The following TBXA2R variants were observed in gnomAD, a reference collection of about 807,000 sequenced individuals.
TBXA2R encodes the protein prostanoid TP receptor.
A neutral mutation model predicts 15.6 loss-of-function variants in TBXA2R; 15 were observed. The observed-to-expected ratio is 0.96, with a 90% CI of 0.64 to 1.48. The LOEUF is 1.48. Ranked by LOEUF, TBXA2R falls within the 40% of genes most tolerant of loss-of-function variation. TBXA2R has a pLI of 0.00. For missense variants in TBXA2R, 506 were observed against 491.4 expected (o/e 1.03, Z -0.28); for synonymous variants, 280 against 241.2 (o/e 1.16, Z -1.49).
chr19:3,598,989 T>C (rs1204668192), intron 2 of TBXA2R, among the ~76,000 whole-genome samples: 1 of 152,034 alleles, frequency 6.6e-6, no homozygotes, highest in Non-Finnish European at 1.5e-5. Context: ...TTACTAAGAA[T>C]TTCTTTCCAT....
intron 1 of TBXA2R, among the ~76,000 whole-genome samples, chr19:3,601,725 G>C (rs1329948204): frequency 6.6e-6 from 1 of 151,912 alleles, no homozygotes; most frequent in Non-Finnish European, 1.5e-5. Flanking sequence ...TCAGGAGTTC[G>C]AAACCAGCCT....
chr19:3,603,883 C>A (rs1482523775), intron 1 of TBXA2R, among the ~76,000 whole-genome samples: 1 of 152,296 alleles, frequency 6.6e-6, no homozygotes, highest in Middle Eastern at 3.4e-3. Context: ...CCTCCCTTCC[C>A]TCCTGCATTG....
chr19:3,605,848 AAC>A (rs199571395), intron 1 of TBXA2R, among the ~76,000 whole-genome samples: 465 of 29,520 alleles, frequency 0.016, 1 homozygote, highest in Non-Finnish European at 0.022. Flanking sequence ...CACAAGCAGA[AAC>A]ACAACAGACA....
intron 2 of TBXA2R, among the ~76,000 whole-genome samples, chr19:3,599,555 C>G (rs1243264672): frequency 6.6e-6 from 1 of 152,186 alleles, no homozygotes; most frequent in African/African-American, 2.4e-5. Context: ...TGGTCTCGAT[C>G]TCCTGACCTC....
intron 1 of TBXA2R, among the ~76,000 whole-genome samples, chr19:3,605,531 C>T (rs1366212997): frequency 2.0e-5 from 3 of 149,026 alleles, no homozygotes; most frequent in East Asian, 2.0e-4. Flanking sequence ...GACAGAAACA[C>T]AGCAGACAGA....
At chr19:3,596,474 T>C (rs2032606727) in intron 2 of TBXA2R, among the ~76,000 whole-genome samples, 1 of 151,866 alleles carries the variant, frequency 6.6e-6, no homozygotes. Flanking sequence ...GGGAGGTAAA[T>C]AGGAGAGAAT....
chr19:3,605,131 C>T (rs2032805609), intron 1 of TBXA2R, among the ~76,000 whole-genome samples: 1 of 152,242 alleles, frequency 6.6e-6, no homozygotes, highest in East Asian at 1.9e-4. Flanking sequence ...TTGTTGGGGC[C>T]CTAAGTCACA....
rs541640792 is a variant in TBXA2R at position 3,605,627 on chromosome 19, A to G, written c.-84+903T>C. On this transcript the variant is annotated intron_variant, in intron 1 of 2. Coordinates refer to ENST00000375190, the MANE Select transcript of TBXA2R (RefSeq NM_001060.6). ...AGACACACACAGAAACACCACAGAC[A>G]CACCCAGACAGAAACATGACAGACA... 3.9e-5 allele frequency among the ~76,000 whole-genome samples: 6 copies of G among 152,114 alleles called. No homozygotes were observed. The East Asian group carries it at 1.2e-3, about 29-fold the overall frequency.
At chr19:3,603,409 C>A (rs751783025) in intron 1 of TBXA2R, among the ~76,000 whole-genome samples, 2 of 152,194 alleles carry the variant, frequency 1.3e-5, no homozygotes, top group Non-Finnish European at 2.9e-5. Context: ...TGGGGGGTTC[C>A]TCGCGGCCTC....
At chr19:3,604,359 G>A (rs906661640) in intron 1 of TBXA2R, among the ~76,000 whole-genome samples, 2 of 152,174 alleles carry the variant, frequency 1.3e-5, no homozygotes, top group East Asian at 1.9e-4. Flanking sequence ...CCAGAGGCCC[G>A]GGCGCTGGGC....
intron 2 of TBXA2R, among the ~76,000 whole-genome samples, chr19:3,598,367 T>C (rs1483045106): frequency 6.8e-6 from 1 of 146,286 alleles, no homozygotes; most frequent in Non-Finnish European, 1.5e-5. Context: ...TTTTTTTTTT[T>C]TGAGACAGAG....
rs34486470 is a variant in TBXA2R at position 3,595,008 on chromosome 19, A to G, written c.*680T>C. The G allele has an allele frequency of 0.1, 142,870 of 1,420,466 alleles. 7,354 individuals carry two copies. The highest frequency in any genetic ancestry group is 0.14 in the Middle Eastern group (675 of 4,774). The allele number at this position is 1,420,466 out of a possible 1,614,324, so 88.0% of individuals were successfully genotyped here. A position where few individuals can be genotyped will look rare whatever the true frequency, so the allele number is the denominator to read the frequency against. On this transcript the variant is annotated 3_prime_UTR_variant, in exon 3 of 3. Transcript: ENST00000375190. ...GGCACGAGAATCGCTTGAACCCGGG[A>G]GGCGGAGGTTGCAGTGAGCCGAGAT...
chr19:3,597,375 T>C (rs983982939), intron 2 of TBXA2R, among the ~76,000 whole-genome samples: 1 of 151,058 alleles, frequency 6.6e-6, no homozygotes, highest in Non-Finnish European at 1.5e-5. Flanking sequence ...ATATATCATA[T>C]ATCATACAAT....
rs1293069857 is a variant in TBXA2R, at chr19:3,602,772, A to G, written c.-83-2055T>C. Among the ~76,000 whole-genome samples the G allele has an allele frequency of 2.0e-5, 3 of 151,924 alleles. No homozygotes were observed. The East Asian group carries it at 5.8e-4, about 29-fold the overall frequency. On this transcript the variant is annotated intron_variant, in intron 1 of 2. Coordinates refer to ENST00000375190, the MANE Select transcript of TBXA2R (RefSeq NM_001060.6). ...CAAAACTCCGTCTCAAAAAAAAAAAAAAAAGAAAAAGAAAAGAAAAGAGGG... is the reference window on the plus strand; with the variant it reads ...CAAAACTCCGTCTCAAAAAAAAAAAGAAAAGAAAAAGAAAAGAAAAGAGGG...
chr19:3,600,139 G>T lies in TBXA2R; in HGVS notation c.496C>A (p.Leu166Met). The T allele has an allele frequency of 6.2e-7, 1 of 1,609,716 alleles. No individual in the cohort carries two copies. Residue 166 changes from leucine (L) to methionine (M), a missense_variant, in exon 2 of 3, where the codon CTG becomes ATG. By Grantham distance (15) the Leu-to-Met change is conservative. Coordinates refer to ENST00000375190, the MANE Select transcript of TBXA2R (RefSeq NM_001060.6). ...VWAAALALGL[L>M]PLLGVGRYTV... ...TAGCGACCCACGCCCAGCAGGGGCA[G>T]CAGGCCCAGCGCCAGCGCGGCCGCC...
Position 3,600,498 on chromosome 19 carries a change from A to G in TBXA2R, c.137T>C (p.Leu46Pro), listed in dbSNP as rs1219580989. Reference sequence around the variant, plus strand: ...CTGCCGCGCGCCCGCCAGCACGCTCAGGGCCAGCAGGTTGGAGGCCAGGCC... The same window carrying G: ...CTGCCGCGCGCCCGCCAGCACGCTCGGGGCCAGCAGGTTGGAGGCCAGGCC... ...VVGLASNLLALSVLAGARQGG... is the reference protein window; with the variant it reads ...VVGLASNLLAPSVLAGARQGG... Residue 46 changes from leucine (L) to proline (P), a missense_variant, in exon 2 of 3, where the codon CTG (leucine) becomes CCG (proline). Leu to Pro is a moderately conservative substitution (Grantham distance 98). Transcript: ENST00000375190. 1 of 1,612,638 alleles carries G rather than the reference A, an allele frequency of 6.2e-7. No homozygotes were observed. The highest frequency in any genetic ancestry group is 1.3e-5 in the African/African-American group (1 of 74,912).
intron 1 of TBXA2R, among the ~76,000 whole-genome samples, chr19:3,604,473 C>T (rs763753229): frequency 5.3e-5 from 8 of 152,104 alleles, no homozygotes; most frequent in Non-Finnish European, 5.9e-5. Flanking sequence ...GTTCCATCCT[C>T]GTGCCCCCTC....
At chr19:3,598,500 G>A (rs1228511583) in intron 2 of TBXA2R, among the ~76,000 whole-genome samples, 1 of 150,990 alleles carries the variant, frequency 6.6e-6, no homozygotes, top group Non-Finnish European at 1.5e-5. Context: ...ACAGGAGTGT[G>A]CCATCATGGT....
chr19:3,603,680 A>G (rs1436580781), intron 1 of TBXA2R, among the ~76,000 whole-genome samples: 1 of 151,370 alleles, frequency 6.6e-6, no homozygotes, highest in Non-Finnish European at 1.5e-5. Context: ...ACTCCCTCAC[A>G]CCTCCGGTGG....
Sources: gnomAD v4.1 joint callset for allele counts (sites outside exome capture counted in the v4.1 genomes callset) on GRCh38, gnomAD v4.1.1 for gene constraint, MANE v1.5 for transcripts, NCBI Gene and HGNC (gene_info 2026-07-23, HGNC 2026-07-21) for gene names.